CDH18: variants seen among roughly 807,000 people sequenced by gnomAD.
The protein encoded by CDH18 is cadherin-18.
Under a neutral mutation model 67.9 loss-of-function variants are expected in CDH18, and 31 were observed. The ratio of observed to expected loss-of-function variants is 0.46; its 90% confidence interval spans 0.34 to 0.62. The LOEUF is 0.62. CDH18 is among the 20% of genes least tolerant of loss of function. The probability of loss-of-function intolerance (pLI) is 0.01; values close to 1 mark genes in which losing one functional copy is unlikely to be tolerated. For synonymous variants in CDH18, 362 were observed against 347.2 expected, an observed-to-expected ratio of 1.04 and a Z score of -0.48; for missense variants, 890 against 975.5, an observed-to-expected ratio of 0.91 and a Z score of 1.17.
At chr5:20,189,050 T>A (rs1257800183) in intron 2 of CDH18, among the ~76,000 whole-genome samples, 1 of 152,052 alleles carries the variant, frequency 6.6e-6, no homozygotes, top group East Asian at 1.9e-4. Flanking sequence ...GATTAATATC[T>A]AACTGCAGGC....
intron 1 of CDH18, among the ~76,000 whole-genome samples, chr5:20,435,240 A>G (rs1020602029): frequency 1.3e-5 from 2 of 152,060 alleles, no homozygotes; most frequent in African/African-American, 2.4e-5. Context: ...TTGACATGTC[A>G]GTGCCAATTT....
chr5:19,851,575 C>T (rs1263761075), intron 2 of CDH18, among the ~76,000 whole-genome samples: 1 of 151,604 alleles, frequency 6.6e-6, no homozygotes, highest in East Asian at 1.9e-4. Flanking sequence ...CTAAACTGAT[C>T]ATTCTTTACA....
chr5:20,159,681 T>G (rs1751823495), intron 2 of CDH18, among the ~76,000 whole-genome samples: 1 of 152,176 alleles, frequency 6.6e-6, no homozygotes, highest in South Asian at 2.1e-4. Flanking sequence ...AGCAAAGGAA[T>G]TTATTTCTAC....
chr5:19,890,443 G>T (rs1788665982), intron 2 of CDH18, among the ~76,000 whole-genome samples: 1 of 152,082 alleles, frequency 6.6e-6, no homozygotes, highest in Non-Finnish European at 1.5e-5. Flanking sequence ...CATTCTGCCT[G>T]CTACAATGGT....
At chr5:19,984,181 G>A (rs1323083947) in intron 1 of CDH18, among the ~76,000 whole-genome samples, 2 of 151,914 alleles carry the variant, frequency 1.3e-5, no homozygotes, top group African/African-American at 4.8e-5. Context: ...TTATGTGACT[G>A]TATGCCTCTC....
chr5:20,108,108 T>C (rs1348702992), intron 2 of CDH18, among the ~76,000 whole-genome samples: 2 of 152,092 alleles, frequency 1.3e-5, no homozygotes. Flanking sequence ...TTTGAGGCAG[T>C]CTTGCTCTGT....
chr5:20,533,204 C>A (rs542071565), intron 1 of CDH18, among the ~76,000 whole-genome samples: 2 of 152,146 alleles, frequency 1.3e-5, no homozygotes, highest in South Asian at 4.1e-4. Context: ...CTACTAAAAG[C>A]CAAGAGGCAC....
intron 4 of CDH18, among the ~76,000 whole-genome samples, chr5:19,741,966 T>C (rs1312359165): frequency 6.6e-6 from 1 of 152,122 alleles, no homozygotes; most frequent in Non-Finnish European, 1.5e-5. Flanking sequence ...GTGGAAAGAT[T>C]GAAAAACTCG....
chr5:19,501,553 A>C (rs181392446), intron 11 of CDH18, among the ~76,000 whole-genome samples: 226 of 152,108 alleles, frequency 1.5e-3, no homozygotes, highest in Middle Eastern at 3.4e-3. Context: ...CAATAATAGC[A>C]AAATTATTCT....
At chr5:19,928,951 C>T (rs1420960746) in intron 2 of CDH18, among the ~76,000 whole-genome samples, 1 of 150,598 alleles carries the variant, frequency 6.6e-6, no homozygotes, top group Non-Finnish European at 1.5e-5. Context: ...AGACCTAAAT[C>T]ATTTTTATTT....
intron 2 of CDH18, among the ~76,000 whole-genome samples, chr5:20,002,316 T>A (rs1038948053): frequency 1.3e-5 from 2 of 152,214 alleles, no homozygotes; most frequent in African/African-American, 2.4e-5. Context: ...TTATTTTTAA[T>A]GGAATTTGGA....
At chr5:19,782,965 T>C (rs1242980496) in intron 3 of CDH18, among the ~76,000 whole-genome samples, 1 of 152,202 alleles carries the variant, frequency 6.6e-6, no homozygotes, top group African/African-American at 2.4e-5. Context: ...GTATTTGATT[T>C]CACCAAATGT....
chr5:19,668,414 G>A (rs186596256), intron 5 of CDH18, among the ~76,000 whole-genome samples: 153 of 151,906 alleles, frequency 1.0e-3, no homozygotes, highest in African/African-American at 3.5e-3. Flanking sequence ...ATAAACATCC[G>A]CTTATATTAA....
intron 6 of CDH18, among the ~76,000 whole-genome samples, chr5:19,600,213 G>C (rs181570009): frequency 2.2e-5 from 3 of 136,406 alleles, no homozygotes; most frequent in African/African-American, 8.0e-5. Flanking sequence ...GGTGGGGGAG[G>C]GGGGAGGGAT....
intron 3 of CDH18, among the ~76,000 whole-genome samples, chr5:19,765,013 TC>T (rs2149717186): frequency 6.6e-6 from 1 of 152,306 alleles, no homozygotes; most frequent in East Asian, 1.9e-4. Context: ...CAGAAGTCTT[TC>T]TTAAATTTTT....
At chr5:19,782,365 C>T (rs779048061) in intron 3 of CDH18, among the ~76,000 whole-genome samples, 8 of 152,090 alleles carry the variant, frequency 5.3e-5, no homozygotes, top group Admixed American at 1.3e-4. Context: ...CACCTGGTTC[C>T]GCCCTTGACA....
chr5:19,880,452 T>C (rs139949971), intron 2 of CDH18, among the ~76,000 whole-genome samples: 1 of 152,150 alleles, frequency 6.6e-6, no homozygotes, highest in East Asian at 1.9e-4. Context: ...ATCAAATCTA[T>C]AGGATTTAGC....
chr5:20,481,102 A>G (rs534712248), intron 1 of CDH18, among the ~76,000 whole-genome samples: 1 of 152,184 alleles, frequency 6.6e-6, no homozygotes, highest in African/African-American at 2.4e-5. Context: ...AACACAGTTC[A>G]CCTATAAAGA....
In CDH18 at chr5:20,280,333, T is replaced by G. The variant is rs1746153940; in HGVS notation, c.-579-24828A>C. Among the ~76,000 whole-genome samples the G allele has an allele frequency of 2.0e-5, 3 of 152,152 alleles. No individual in the cohort carries two copies. In the South Asian group the frequency reaches 6.2e-4, roughly 32 times the overall value. Reference sequence around the variant, plus strand: ...ATTAACTCATCATTTAACATTAGGTTTATCTCCTAATGCTATCCCTCCCCA... The same window carrying G: ...ATTAACTCATCATTTAACATTAGGTGTATCTCCTAATGCTATCCCTCCCCA... On this transcript the variant is annotated intron_variant, in intron 1 of 14. Coordinates refer to the CDH18 transcript ENST00000507958.
Sources: allele counts gnomAD v4.1 joint callset (sites outside exome capture counted in the v4.1 genomes callset), GRCh38; gene constraint gnomAD v4.1.1; transcripts MANE v1.5; gene names NCBI Gene and HGNC (gene_info 2026-07-23, HGNC 2026-07-21).